UNC13C: variants seen among roughly 807,000 people sequenced by gnomAD.
UNC13C encodes the protein protein unc-13 homolog C.
A neutral mutation model predicts 245.4 loss-of-function variants in UNC13C; 174 were observed. That is an observed-to-expected ratio of 0.71 (90% CI 0.63 to 0.80). The LOEUF is 0.80. Among genes scored for constraint, UNC13C ranks in the 30% least tolerant of loss-of-function variants. The pLI, the probability that UNC13C is intolerant of heterozygous loss-of-function variation, is 0.00. For synonymous variants in UNC13C, 992 were observed against 895.1 expected, an observed-to-expected ratio of 1.11 and a Z score of -1.93; for missense variants, 2,829 against 2,602.9, an observed-to-expected ratio of 1.09 and a Z score of -1.89.
chr15:54,611,653 G>C (rs575780706), intron 30 of UNC13C: 2 of 152,192 alleles, frequency 1.3e-5, no homozygotes, highest in East Asian at 3.9e-4. Context: ...TTGTAAGTAA[G>C]TAAGTTATAA....
intron 7 of UNC13C, among the ~76,000 whole-genome samples, chr15:54,246,339 G>A (rs2035989709): frequency 6.6e-6 from 1 of 151,588 alleles, no homozygotes; most frequent in African/African-American, 2.4e-5. Context: ...CATTTCTACA[G>A]GTAAACAAGA....
chr15:54,167,158 C>T (rs937340309), intron 4 of UNC13C, among the ~76,000 whole-genome samples: 1 of 152,138 alleles, frequency 6.6e-6, no homozygotes, highest in Non-Finnish European at 1.5e-5. Context: ...AATACACCCA[C>T]ATAAATGTGG....
intron 7 of UNC13C, among the ~76,000 whole-genome samples, chr15:54,238,103 A>G (rs1222917686): frequency 1.7e-5 from 2 of 118,888 alleles, no homozygotes; most frequent in Middle Eastern, 5.7e-3. Flanking sequence ...TTGAGACAGA[A>G]TCTCACTCTG....
At chr15:54,483,032 T>C (rs1176062014) in intron 19 of UNC13C, among the ~76,000 whole-genome samples, 1 of 152,214 alleles carries the variant, frequency 6.6e-6, no homozygotes, top group East Asian at 1.9e-4. Flanking sequence ...TTTAACATTA[T>C]CCAATTTAAA....
chr15:53,954,656 T>A, the UNC13C span, among the ~76,000 whole-genome samples: 2 of 152,090 alleles, frequency 1.3e-5, no homozygotes, highest in East Asian at 1.9e-4. Context: ...AAATGGGGTA[T>A]GAGTTAGATT....
chr15:54,035,332 C>A (rs999050751), intron 2 of UNC13C, among the ~76,000 whole-genome samples: 3 of 151,972 alleles, frequency 2.0e-5, no homozygotes, highest in African/African-American at 7.3e-5. Flanking sequence ...GTATCTATTT[C>A]CCTTTATATC....
chr15:54,568,326 T>C (rs1478245002), intron 30 of UNC13C, among the ~76,000 whole-genome samples: 2 of 152,132 alleles, frequency 1.3e-5, no homozygotes, highest in Non-Finnish European at 1.5e-5. Context: ...AAAATGATAA[T>C]AATTCCCTAA....
chr15:54,286,299 C>T (rs1358800734), intron 10 of UNC13C, among the ~76,000 whole-genome samples: 5 of 152,172 alleles, frequency 3.3e-5, no homozygotes, highest in South Asian at 2.1e-4. Flanking sequence ...TCTTAACAAA[C>T]GTGATTTCTA....
chr15:54,607,216 T>G (rs1036756363), intron 30 of UNC13C, among the ~76,000 whole-genome samples: 1 of 151,986 alleles, frequency 6.6e-6, no homozygotes, highest in Non-Finnish European at 1.5e-5. Flanking sequence ...AGTTGAAGAG[T>G]AGAATGAATT....
chr15:54,337,625 C>CA (rs2038618956), intron 16 of UNC13C, among the ~76,000 whole-genome samples: 1 of 152,164 alleles, frequency 6.6e-6, no homozygotes, highest in African/African-American at 2.4e-5. Flanking sequence ...TCTAATTCTA[C>CA]CACCTTGATC....
chr15:54,517,949 G>A (rs1245954611), intron 24 of UNC13C, among the ~76,000 whole-genome samples: 1 of 152,148 alleles, frequency 6.6e-6, no homozygotes, highest in Non-Finnish European at 1.5e-5. Context: ...GAGGTAAAAA[G>A]GGAAATGTAA....
Position 54,158,794 on chromosome 15 carries a change from C to T in UNC13C, c.3071+15110C>T, listed in dbSNP as rs148290992. Among the ~76,000 whole-genome samples the T allele has an allele frequency of 3.6e-3, 548 of 151,864 alleles. 4 individuals carry two copies. Among genetic ancestry groups the T allele is most frequent in the Middle Eastern group, 6.8e-3 (2 of 294 alleles). On this transcript the variant is annotated intron_variant, in intron 4 of 32. Coordinates refer to ENST00000260323, the MANE Select transcript of UNC13C (RefSeq NM_001080534.3). ...CCTCCCAAATAGCCGAGACCACAGG[C>T]GCATGCTACCACACCCAGCTAATTT...
the UNC13C span, among the ~76,000 whole-genome samples, chr15:53,902,855 A>G: frequency 6.6e-5 from 10 of 152,186 alleles, no homozygotes; most frequent in Admixed American, 6.5e-4. Context: ...TTGCAATAAT[A>G]CAAGGTATGA....
rs1595755926 is a variant in UNC13C at position 54,042,049 on chromosome 15, G to A, written c.2983+26163G>A. 7.2e-5 allele frequency among the ~76,000 whole-genome samples: 11 copies of A among 152,164 alleles called. No homozygotes were observed. The South Asian group carries it at 2.3e-3, about 32-fold the overall frequency. ...GAATATTTGAAATATGAAACATTGTGAGCACCAACAAGATGCTGCGATTTT... is the reference window on the plus strand; with the variant it reads ...GAATATTTGAAATATGAAACATTGTAAGCACCAACAAGATGCTGCGATTTT... On this transcript the variant is annotated intron_variant, in intron 2 of 32. Transcript: ENST00000260323.
At chr15:54,346,438 T>C (rs2038861605) in intron 17 of UNC13C, among the ~76,000 whole-genome samples, 1 of 152,186 alleles carries the variant, frequency 6.6e-6, no homozygotes, top group Admixed American at 6.5e-5. Flanking sequence ...GCTACTTCTG[T>C]TTTCTTTGAA....
the UNC13C span, among the ~76,000 whole-genome samples, chr15:53,907,195 C>G: frequency 6.6e-6 from 1 of 152,080 alleles, no homozygotes; most frequent in Non-Finnish European, 1.5e-5. Context: ...TATGAACTAC[C>G]AAACATCCTT....
chr15:54,263,653 A>G (rs1232242537), intron 8 of UNC13C, among the ~76,000 whole-genome samples: 4 of 151,972 alleles, frequency 2.6e-5, no homozygotes, highest in Admixed American at 2.6e-4. Context: ...TAGTGTCCAA[A>G]TCTTCTTTAA....
chr15:54,016,000 T>C (rs1895640056), intron 2 of UNC13C, 114 bp downstream of exon 2: 1 of 921,890 alleles, frequency 1.1e-6, no homozygotes, highest in Non-Finnish European at 1.6e-6. Flanking sequence ...GCAATGACTT[T>C]CCATGCTTTA....
In UNC13C at chr15:54,050,030, C is replaced by T. The variant is rs185805330; in HGVS notation, c.2983+34144C>T. 217 of 288,138 alleles carry T rather than the reference C, an allele frequency of 7.5e-4. 1 individual carries two copies. Among genetic ancestry groups the T allele is most frequent in the African/African-American group, 4.4e-3 (195 of 44,636 alleles). 17.8% of individuals were successfully genotyped at this position (288,138 alleles called of 1,614,324 possible). ...TGTCTCCCAGGCAAGAGTGCAGTGG[C>T]GTGACCTCGGCTCACTGCAACCTCC... is the stretch of plus-strand genomic sequence containing the variant. On this transcript the variant is annotated intron_variant, in intron 2 of 32. Transcript: ENST00000260323.
Sources: allele counts gnomAD v4.1 joint callset (sites outside exome capture counted in the v4.1 genomes callset), GRCh38; gene constraint gnomAD v4.1.1; transcripts MANE v1.5; gene names NCBI Gene and HGNC (gene_info 2026-07-23, HGNC 2026-07-21).